The following ITSN2 variants were observed in gnomAD, a reference collection of about 807,000 sequenced individuals.
The protein encoded by ITSN2 is intersectin-2.
ITSN2 carries 156 observed loss-of-function variants against 243.7 expected under a neutral mutation model. The ratio of observed to expected loss-of-function variants is 0.64; its 90% CI spans 0.56 to 0.73. The LOEUF (loss-of-function observed/expected upper bound fraction) is 0.73. ITSN2 is among the 30% of genes least tolerant of loss of function. ITSN2 has a pLI of 0.00. For synonymous variants in ITSN2, 703 were observed against 699.9 expected, an observed-to-expected ratio of 1.00 and a Z score of -0.07; for missense variants, 1,801 against 1,996.1, an observed-to-expected ratio of 0.90 and a Z score of 1.86.
chr2:24,216,023 AC>A, intron 32 of ITSN2, 25 bp downstream of exon 32: 1 of 1,539,922 alleles, frequency 6.5e-7, no homozygotes, highest in Non-Finnish European at 8.8e-7. Flanking sequence ...AAGGAGCCTG[AC>A]CCGCAAGGCC....
At chr2:24,210,181 C>T (rs1669327598) in intron 34 of ITSN2, 148 bp from the exon 35 acceptor site, 1 of 616,882 alleles carries the variant, frequency 1.6e-6, no homozygotes. Context: ...ATGAAAGATC[C>T]TTAAATACAT....
At chr2:24,281,133 A>G (rs1279863272) in intron 17 of ITSN2, among the ~76,000 whole-genome samples, 1 of 152,112 alleles carries the variant, frequency 6.6e-6, no homozygotes, top group Non-Finnish European at 1.5e-5. Flanking sequence ...GATTCAAGCA[A>G]TTCTCCTGCC....
intron 20 of ITSN2, among the ~76,000 whole-genome samples, chr2:24,265,670 T>C (rs1640863974): frequency 6.6e-6 from 1 of 152,222 alleles, no homozygotes; most frequent in African/African-American, 2.4e-5. Flanking sequence ...TTCAAACTTC[T>C]TAGTGTAGAA....
chr2:24,205,157 C>G, intron 38 of ITSN2, 57 bp downstream of exon 38: 1 of 1,458,030 alleles, frequency 6.9e-7, no homozygotes, highest in Admixed American at 1.7e-5. Context: ...AAAAAGTCAT[C>G]AGCAAAAACT....
Position 24,203,513 on chromosome 2 carries a change from G to C in ITSN2, c.*113C>G, listed in dbSNP as rs1296696987. ...GAAAACAGAGCCCCCAGCGTGCATG[G>C]CTTTGTGAGGGGTGAAGCTGCATGG... On this transcript the variant is annotated 3_prime_UTR_variant, in exon 40 of 40. Coordinates refer to ENST00000355123, the MANE Select transcript of ITSN2 (RefSeq NM_006277.3). 32 of 1,076,618 alleles carry C rather than the reference G, an allele frequency of 3.0e-5. No individual in the cohort carries two copies. Among genetic ancestry groups the C allele is most frequent in the Non-Finnish European group, 4.1e-5 (31 of 761,970 alleles). 66.7% of individuals were successfully genotyped at this position (1,076,618 alleles called of 1,614,324 possible).
intron 22 of ITSN2, among the ~76,000 whole-genome samples, 171 bp from the exon 23 acceptor site, chr2:24,258,264 T>C (rs1297260477): frequency 1.3e-5 from 2 of 152,254 alleles, no homozygotes; most frequent in East Asian, 1.9e-4. Context: ...TAGACAACTA[T>C]GTGACTAGCC....
At chr2:24,337,315 A>AATATATATATATATACATATATATAG (rs70944741) in intron 1 of ITSN2, among the ~76,000 whole-genome samples, 1 of 32,026 alleles carries the variant, frequency 3.1e-5, no homozygotes, top group Non-Finnish European at 5.7e-5. Context: ...GTATACACAA[A>AATATATATATATATACATATATATAG]ATATATATAT....
intron 15 of ITSN2, 52 bp downstream of exon 15, chr2:24,293,636 T>C (rs1680566880): frequency 2.1e-5 from 14 of 681,054 alleles, no homozygotes; most frequent in South Asian, 1.7e-4. Context: ...ATGTGACTGA[T>C]ACAGTCATTC....
chr2:24,317,752 A>AG (rs1684096839), intron 2 of ITSN2, among the ~76,000 whole-genome samples: 1 of 152,234 alleles, frequency 6.6e-6, no homozygotes, highest in South Asian at 2.1e-4. Context: ...CCAGCCTCTG[A>AG]TTTAGACTGA....
At chr2:24,320,346 C>T (rs1305914403) in intron 2 of ITSN2, among the ~76,000 whole-genome samples, 1 of 150,092 alleles carries the variant, frequency 6.7e-6, no homozygotes, top group African/African-American at 2.5e-5. Flanking sequence ...GGTGAAACCC[C>T]GTCTCTACTA....
At chr2:24,213,388 G>A (rs1294237915) in intron 32 of ITSN2, among the ~76,000 whole-genome samples, 1 of 152,204 alleles carries the variant, frequency 6.6e-6, no homozygotes, top group Non-Finnish European at 1.5e-5. Context: ...TACACTGCCT[G>A]AAGACAGCAG....
At chr2:24,245,801 C>A (rs1673293968) in intron 29 of ITSN2, among the ~76,000 whole-genome samples, 1 of 151,602 alleles carries the variant, frequency 6.6e-6, no homozygotes, top group Admixed American at 6.6e-5. Context: ...TTTATTAAAC[C>A]AAAAAAGAAC....
chr2:24,262,969 C>T (rs749563730), intron 20 of ITSN2, among the ~76,000 whole-genome samples: 2 of 152,142 alleles, frequency 1.3e-5, no homozygotes, highest in Admixed American at 1.3e-4. Context: ...AATTTGTCAA[C>T]CCACCCTCAC....
chr2:24,349,679 G>T (rs1193154772), intron 1 of ITSN2, among the ~76,000 whole-genome samples: 1 of 152,076 alleles, frequency 6.6e-6, no homozygotes, highest in Non-Finnish European at 1.5e-5. Context: ...CATAGGCCGA[G>T]CAGCAGCCTC....
In ITSN2 at chr2:24,302,064, G is replaced by C; in HGVS notation, c.896C>G (p.Ala299Gly). 1 of 1,611,844 alleles carries C rather than the reference G, an allele frequency of 6.2e-7. No individual in the cohort carries two copies. Among genetic ancestry groups the C allele is most frequent in the Admixed American group, 1.7e-5 (1 of 59,842 alleles). ...GTGCATTGCAAGAATAAACTCTTCT[G>C]CTTTTAGCTGTCCATCACCATCAAC... ...ADVDGDGQLKAEEFILAMHLT... is the reference protein window; with the variant it reads ...ADVDGDGQLKGEEFILAMHLT... The change falls in exon 10 of 40, where the codon GCA (alanine) becomes GGA (glycine). Residue 299 changes from alanine to glycine, a missense_variant. By Grantham distance (60) the Ala-to-Gly change is moderately conservative (BLOSUM62 0). Around this residue, in one of 5 missense-constraint regions of ITSN2, gnomAD observed 787 missense variants for 803.9 expected, o/e 0.98. Transcript: ENST00000355123.
intron 25 of ITSN2, 38 bp downstream of exon 25, chr2:24,252,307 T>C: frequency 7.0e-7 from 1 of 1,425,106 alleles, no homozygotes; most frequent in Non-Finnish European, 9.8e-7. Flanking sequence ...AGTATAAACC[T>C]GATTAACCAG....
At chr2:24,337,317 T>TATATATATATATATAC (rs1574362019) in intron 1 of ITSN2, among the ~76,000 whole-genome samples, 5 of 49,172 alleles carry the variant, frequency 1.0e-4, no homozygotes, top group Admixed American at 5.0e-4. Flanking sequence ...ATACACAAAA[T>TATATATATATATATAC]ATATATATAT....
intron 16 of ITSN2, 80 bp from the exon 17 acceptor site, chr2:24,284,923 A>C: frequency 1.6e-6 from 1 of 641,154 alleles, no homozygotes; most frequent in Non-Finnish European, 2.5e-6. Flanking sequence ...TTTGAGATGG[A>C]GTCTCACTCT....
At chr2:24,256,210 C>T (rs1169131941) in intron 23 of ITSN2, among the ~76,000 whole-genome samples, 7 of 152,146 alleles carry the variant, frequency 4.6e-5, no homozygotes, top group Non-Finnish European at 1.0e-4. Flanking sequence ...GCCGAAAGAG[C>T]GAGACTCCAT....
Sources: allele counts gnomAD v4.1 joint callset (sites outside exome capture counted in the v4.1 genomes callset), GRCh38; gene constraint gnomAD v4.1.1; regional missense constraint gnomAD v4.1.1; transcripts MANE v1.5; gene names NCBI Gene and HGNC (gene_info 2026-07-23, HGNC 2026-07-21).